Variants in KIF6 observed in about 807,000 individuals in gnomAD.
The protein encoded by KIF6 is kinesin family member 6.
A neutral mutation model predicts 112.7 loss-of-function variants in KIF6; 106 were observed. That is an observed-to-expected ratio of 0.94 (90% CI 0.80 to 1.11). The LOEUF (loss-of-function observed/expected upper bound fraction) is 1.11, where lower values mean the gene tolerates loss of function less well. Among genes scored for constraint, KIF6 ranks in the 50% least tolerant of loss-of-function variants. The pLI is 0.00. For synonymous variants in KIF6, 339 were observed against 339.9 expected (o/e 1.00, Z 0.03); for missense variants, 929 against 964.0 (o/e 0.96, Z 0.48).
At chr6:39,550,115 ATTATG>A (rs1352590361) in intron 10 of KIF6, among the ~76,000 whole-genome samples, 2 of 152,186 alleles carry the variant, frequency 1.3e-5, no homozygotes, top group East Asian at 3.8e-4. Flanking sequence ...TATTTTTATG[ATTATG>A]TTATGTTTAA....
chr6:39,508,640 G>A (rs1355263934), intron 13 of KIF6, among the ~76,000 whole-genome samples: 6 of 152,152 alleles, frequency 3.9e-5, no homozygotes, highest in African/African-American at 9.7e-5. Flanking sequence ...AACCTGAGAC[G>A]CTGGAGCTTG....
At chr6:39,505,168 C>T (rs1776358841) in intron 13 of KIF6, among the ~76,000 whole-genome samples, 1 of 152,106 alleles carries the variant, frequency 6.6e-6, no homozygotes, top group African/African-American at 2.4e-5. Flanking sequence ...ACCAATGAAA[C>T]AGAATAGAGA....
intron 16 of KIF6, among the ~76,000 whole-genome samples, chr6:39,383,526 G>A (rs1767149850): frequency 6.6e-6 from 1 of 152,074 alleles, no homozygotes; most frequent in Admixed American, 6.6e-5. Context: ...TATATGTCTG[G>A]TTGTGTACTA....
chr6:39,482,704 G>A (rs188068834), intron 13 of KIF6, among the ~76,000 whole-genome samples: 157 of 152,310 alleles, frequency 1.0e-3, no homozygotes, highest in Non-Finnish European at 2.0e-3. Flanking sequence ...GTTACATTTG[G>A]AGAGCTGCCT....
chr6:39,589,973 G>T (rs1781843548), intron 7 of KIF6, among the ~76,000 whole-genome samples: 1 of 152,136 alleles, frequency 6.6e-6, no homozygotes, highest in Non-Finnish European at 1.5e-5. Context: ...GTAAATCAAT[G>T]AATGCATGAG....
intron 10 of KIF6, among the ~76,000 whole-genome samples, chr6:39,577,413 C>T (rs1489414729): frequency 3.9e-5 from 6 of 152,226 alleles, no homozygotes. Context: ...CAAAGCCTGG[C>T]CCATTCTTAC....
At chr6:39,434,296 G>A (rs1369211441) in intron 13 of KIF6, among the ~76,000 whole-genome samples, 3 of 152,006 alleles carry the variant, frequency 2.0e-5, no homozygotes, top group African/African-American at 7.3e-5. Flanking sequence ...GGGCGCAATG[G>A]CTCACGACTG....
At chr6:39,511,260 C>A (rs577726267) in intron 13 of KIF6, among the ~76,000 whole-genome samples, 1 of 152,074 alleles carries the variant, frequency 6.6e-6, no homozygotes, top group Non-Finnish European at 1.5e-5. Context: ...AAAAAAACAA[C>A]CTCGTCAAAA....
chr6:39,454,791 C>G (rs568623206), intron 13 of KIF6, among the ~76,000 whole-genome samples: 1 of 152,102 alleles, frequency 6.6e-6, no homozygotes, highest in Admixed American at 6.5e-5. Context: ...CACTCCCACC[C>G]GAATATTGCG....
intron 3 of KIF6, among the ~76,000 whole-genome samples, chr6:39,651,448 G>A (rs992547572): frequency 1.3e-5 from 2 of 152,170 alleles, no homozygotes; most frequent in South Asian, 4.1e-4. Context: ...TGTGGTGGGT[G>A]CTGAGAGAAG....
chr6:39,549,894 C>T (rs577179721), intron 10 of KIF6, among the ~76,000 whole-genome samples: 4 of 152,104 alleles, frequency 2.6e-5, no homozygotes, highest in African/African-American at 9.6e-5. Flanking sequence ...AATCCCTCTG[C>T]AGGGATTCTG....
chr6:39,605,137 A>C (rs1035617698), intron 6 of KIF6, among the ~76,000 whole-genome samples: 1 of 152,098 alleles, frequency 6.6e-6, no homozygotes, highest in African/African-American at 2.4e-5. Context: ...ACAAGCATTA[A>C]GGTTTGCTCT....
chr6:39,437,830 G>A (rs1315083977), intron 13 of KIF6, among the ~76,000 whole-genome samples: 1 of 152,160 alleles, frequency 6.6e-6, no homozygotes, highest in East Asian at 1.9e-4. Context: ...TTTGTCACAT[G>A]TTTGTGGTGA....
chr6:39,539,079 A>T, intron 13 of KIF6, among the ~76,000 whole-genome samples: 1 of 69,774 alleles, frequency 1.4e-5, no homozygotes, highest in African/African-American at 5.9e-5. Flanking sequence ...GGGTGGGGGG[A>T]GGGGGGAGGG....
chr6:39,485,625 C>T lies in KIF6; in HGVS notation c.1645+54378G>A, dbSNP rs1238414468. On this transcript the variant is annotated intron_variant, in intron 13 of 22. Coordinates refer to ENST00000287152, the MANE Select transcript of KIF6 (RefSeq NM_145027.6). ...GCATCTTCCATTCTTCTGCCTTTCCCCAAAGATTCTCATTCTTCTACACAT... is the reference window on the plus strand; with the variant it reads ...GCATCTTCCATTCTTCTGCCTTTCCTCAAAGATTCTCATTCTTCTACACAT... Among the ~76,000 whole-genome samples the T allele has an allele frequency of 7.2e-5, 11 of 152,082 alleles. 1 individual carries two copies. The highest frequency in any genetic ancestry group is 1.5e-4 in the Non-Finnish European group (10 of 68,022).
rs1234182482 is a variant in KIF6 at position 39,696,843 on chromosome 6, C to T, written c.251+17849G>A. Among the ~76,000 whole-genome samples, 5 of 151,666 alleles carry T rather than the reference C, an allele frequency of 3.3e-5. 1 individual carries two copies. The highest frequency in any genetic ancestry group is 5.9e-5 in the Non-Finnish European group (4 of 67,964). ...CCTGAAACATAGTAGGAACCTCATA[C>T]ATGTTAGCTCTTTTTTAAATCTAGT... On this transcript the variant is annotated intron_variant, in intron 3 of 22. Coordinates refer to ENST00000287152, the MANE Select transcript of KIF6 (RefSeq NM_145027.6).
At chr6:39,347,921 T>C (rs1763934187) in intron 19 of KIF6, among the ~76,000 whole-genome samples, 1 of 152,140 alleles carries the variant, frequency 6.6e-6, no homozygotes, top group Non-Finnish European at 1.5e-5. Context: ...TTCCTAGCAG[T>C]GGAGAGACTT....
At position 39,342,638 on chromosome 6, in the gene KIF6, G is replaced by A. The variant is rs1298675554; in HGVS notation, c.2428+1071C>T. On this transcript the variant is annotated intron_variant, in intron 22 of 22. Coordinates refer to ENST00000287152, the MANE Select transcript of KIF6 (RefSeq NM_145027.6). This position sits in a 1 kb window ranked among gnomAD's most constrained non-coding sequence, Gnocchi z 4.7. ...TTTTTTTTATTTTTTTTTATTTTTA[G>A]ACAAGGAAACTGAGAATGAGACAAG... Among the ~76,000 whole-genome samples the A allele has an allele frequency of 7.3e-6, 1 of 136,858 alleles. No individual in the cohort carries two copies. The highest frequency in any genetic ancestry group is 7.3e-5 in the Admixed American group (1 of 13,786). The allele number at this position is 136,858 out of a possible 152,430, so 89.8% of individuals were successfully genotyped here. A position where few individuals can be genotyped will look rare whatever the true frequency, so the allele number is the denominator to read the frequency against.
At chr6:39,341,157 GGGTT>G (rs1284331364) in intron 22 of KIF6, among the ~76,000 whole-genome samples, 1 of 151,856 alleles carries the variant, frequency 6.6e-6, no homozygotes, top group African/African-American at 2.4e-5. Context: ...CCCCCTGGAG[GGGTT>G]GTATCTGCTC....
Sources: gnomAD v4.1 joint callset for allele counts (sites outside exome capture counted in the v4.1 genomes callset) on GRCh38, gnomAD v4.1.1 for gene constraint, Gnocchi (gnomAD v3.1) non-coding constraint, MANE v1.5 for transcripts, NCBI Gene and HGNC (gene_info 2026-07-23, HGNC 2026-07-21) for gene names.